Variants in MAGI2 observed in about 807,000 individuals in gnomAD.
MAGI2 encodes membrane associated guanylate kinase, WW and PDZ domain containing 2.
MAGI2 carries 35 observed loss-of-function variants against 133.3 expected under a neutral mutation model. The ratio of observed to expected loss-of-function variants is 0.26; its 90% CI spans 0.20 to 0.35. The LOEUF (loss-of-function observed/expected upper bound fraction) is 0.35, where lower values mean the gene tolerates loss of function less well. Among genes scored for constraint, MAGI2 ranks in the 10% least tolerant of loss-of-function variants. The pLI is 1.00. For synonymous variants in MAGI2, 729 were observed against 710.6 expected, an observed-to-expected ratio of 1.03 and a Z score of -0.41; for missense variants, 1,636 against 1,863.4, an observed-to-expected ratio of 0.88 and a Z score of 2.25.
chr7:78,573,365 A>AAAATAT (rs1320390413), intron 3 of MAGI2, among the ~76,000 whole-genome samples: 9 of 29,030 alleles, frequency 3.1e-4, no homozygotes, highest in African/African-American at 1.1e-3. Flanking sequence ...GAATCCTGGA[A>AAAATAT]ATATATATAT....
intron 1 of MAGI2, among the ~76,000 whole-genome samples, chr7:79,110,730 G>A (rs1305292602): frequency 1.3e-5 from 2 of 152,132 alleles, no homozygotes; most frequent in African/African-American, 4.8e-5. Flanking sequence ...TGGGGAGCCA[G>A]GGGTGTAATA....
intron 1 of MAGI2, among the ~76,000 whole-genome samples, chr7:79,268,575 G>A (rs1383058469): frequency 1.3e-5 from 2 of 152,174 alleles, no homozygotes; most frequent in Non-Finnish European, 2.9e-5. Flanking sequence ...GACATTAAAT[G>A]ATTTTTAATT....
At chr7:78,620,489 T>C (rs1807611124) in intron 3 of MAGI2, among the ~76,000 whole-genome samples, 1 of 152,062 alleles carries the variant, frequency 6.6e-6, no homozygotes, top group African/African-American at 2.4e-5. Context: ...TAGGATTTTA[T>C]GTGCTACATC....
intron 2 of MAGI2, among the ~76,000 whole-genome samples, chr7:78,943,868 T>C (rs6948152): frequency 1.3e-5 from 2 of 152,054 alleles, no homozygotes; most frequent in African/African-American, 4.8e-5. Flanking sequence ...TCAACAAATA[T>C]TAACTTGTTA....
chr7:79,316,994 AT>A (rs1429357969), intron 1 of MAGI2, among the ~76,000 whole-genome samples: 3 of 149,682 alleles, frequency 2.0e-5, no homozygotes, highest in Admixed American at 6.7e-5. Flanking sequence ...AGAAAAAAAA[AT>A]GTAGGGTTTT....
chr7:78,054,366 C>T (rs1354903065), intron 21 of MAGI2, among the ~76,000 whole-genome samples: 7 of 152,012 alleles, frequency 4.6e-5, no homozygotes, highest in Admixed American at 6.6e-5. Context: ...CCTCATGATC[C>T]GCCTACCTCA....
intron 2 of MAGI2, among the ~76,000 whole-genome samples, chr7:78,756,216 A>G (rs1414986068): frequency 6.6e-6 from 1 of 152,198 alleles, no homozygotes; most frequent in Non-Finnish European, 1.5e-5. Flanking sequence ...AGGAGATCAG[A>G]GCTCTAGCCA....
At chr7:79,122,505 A>C in intron 1 of MAGI2, among the ~76,000 whole-genome samples, 1 of 152,230 alleles carries the variant, frequency 6.6e-6, no homozygotes, top group East Asian at 1.9e-4. Context: ...TACGCTTTTC[A>C]GTTGATACAT....
chr7:79,138,427 T>C (rs1184728770), intron 1 of MAGI2, among the ~76,000 whole-genome samples: 1 of 152,176 alleles, frequency 6.6e-6, no homozygotes, highest in Non-Finnish European at 1.5e-5. Flanking sequence ...CCAAGTAAAA[T>C]TGAGACCATT....
chr7:78,097,046 A>C (rs1055547752), intron 20 of MAGI2, among the ~76,000 whole-genome samples: 1 of 152,184 alleles, frequency 6.6e-6, no homozygotes, highest in Non-Finnish European at 1.5e-5. Flanking sequence ...CATGTGCCCA[A>C]CAAGCATATG....
At chr7:78,880,547 G>T (rs945428857) in intron 2 of MAGI2, among the ~76,000 whole-genome samples, 2 of 152,116 alleles carry the variant, frequency 1.3e-5, no homozygotes, top group African/African-American at 2.4e-5. Context: ...GTTACCACTA[G>T]ACCAGATTTA....
At chr7:78,929,037 A>T (rs969769957) in intron 2 of MAGI2, among the ~76,000 whole-genome samples, 2 of 152,104 alleles carry the variant, frequency 1.3e-5, no homozygotes, top group Non-Finnish European at 1.5e-5. Flanking sequence ...AGGTTAAAAA[A>T]TTCCAATGGA....
intron 9 of MAGI2, among the ~76,000 whole-genome samples, chr7:78,283,094 C>T (rs1795791937): frequency 6.6e-6 from 1 of 152,074 alleles, no homozygotes; most frequent in Non-Finnish European, 1.5e-5. Context: ...AACTCCTGAG[C>T]TCCAGTGATA....
intron 3 of MAGI2, among the ~76,000 whole-genome samples, chr7:78,579,732 T>G (rs913625034): frequency 1.1e-4 from 17 of 152,210 alleles, no homozygotes; most frequent in African/African-American, 3.6e-4. Context: ...GAGAACTACT[T>G]TATTTCCTGT....
intron 21 of MAGI2, among the ~76,000 whole-genome samples, chr7:78,030,270 AT>A (rs1333546869): frequency 6.6e-6 from 1 of 152,024 alleles, no homozygotes; most frequent in African/African-American, 2.4e-5. Context: ...AGTTATTTTT[AT>A]TTTTATTTTT....
intron 9 of MAGI2, among the ~76,000 whole-genome samples, chr7:78,290,373 G>C (rs538952869): frequency 5.3e-5 from 8 of 152,228 alleles, no homozygotes; most frequent in African/African-American, 1.7e-4. Flanking sequence ...ATAGTAAAGG[G>C]ATCAATGCAA....
At chr7:78,212,262 C>T (rs961570244) in intron 10 of MAGI2, among the ~76,000 whole-genome samples, 9 of 152,142 alleles carry the variant, frequency 5.9e-5, no homozygotes, top group Non-Finnish European at 7.4e-5. Flanking sequence ...TCAAAACCTG[C>T]GTGTAGGCTA....
chr7:78,573,625 G>C lies in MAGI2; in HGVS notation c.539-51980C>G, dbSNP rs575535449. Among the ~76,000 whole-genome samples the C allele has an allele frequency of 5.3e-5, 8 of 150,064 alleles. No individual in the cohort carries two copies. In the South Asian group the frequency reaches 1.5e-3, roughly 28 times the overall value. On this transcript the variant is annotated intron_variant, in intron 3 of 21. Coordinates refer to ENST00000354212, the MANE Select transcript of MAGI2 (RefSeq NM_012301.4). The stretch of plus-strand genomic sequence containing the variant: ...TGTTTCCTTTGGATTTACCTTTTAG[G>C]TTTTGTCTTTCGGGTTTGAGACTTC...
At chr7:78,115,927 A>G (rs1201050021) in intron 20 of MAGI2, among the ~76,000 whole-genome samples, 2 of 152,262 alleles carry the variant, frequency 1.3e-5, no homozygotes, top group Admixed American at 6.5e-5. Context: ...AAAAATTAGT[A>G]AGACTATAAA....
Sources: allele counts gnomAD v4.1 joint callset (sites outside exome capture counted in the v4.1 genomes callset), GRCh38; gene constraint gnomAD v4.1.1; transcripts MANE v1.5; gene names NCBI Gene and HGNC (gene_info 2026-07-23, HGNC 2026-07-21).